The following PDILT variants were observed in gnomAD, a reference collection of about 807,000 sequenced individuals.
The protein encoded by PDILT is protein disulfide-isomerase-like protein of the testis.
In PDILT, 43 loss-of-function variants were observed where a neutral mutation model predicts 53.7. That is an observed-to-expected ratio of 0.80 (90% CI 0.63 to 1.03). The LOEUF (loss-of-function observed/expected upper bound fraction) is 1.03. PDILT is among the 50% of genes least tolerant of loss of function. The pLI, the probability that PDILT is intolerant of heterozygous loss-of-function variation, is 0.00. For missense variants in PDILT, 727 were observed against 712.3 expected (o/e 1.02, Z -0.24); for synonymous variants, 282 against 274.2 (o/e 1.03, Z -0.28).
rs190884309 is a variant in PDILT at position 20,364,625 on chromosome 16, G to A, written c.1237+795C>T. Among the ~76,000 whole-genome samples, 57 of 152,244 alleles carry A rather than the reference G, an allele frequency of 3.7e-4. No individual in the cohort carries two copies. In the East Asian group the frequency reaches 0.01, roughly 27 times the overall value. ...GTTAAAATAAAAGAAATGTCTGAAG[G>A]AACTTCAGTATCACCTTTCTCTGTG... is the stretch of plus-strand genomic sequence containing the variant. On this transcript the variant is annotated intron_variant, in intron 9 of 11. Transcript: ENST00000302451.
intron 11 of PDILT, 107 bp downstream of exon 11, chr16:20,360,461 C>T (rs1966082830): frequency 9.5e-7 from 1 of 1,053,486 alleles, no homozygotes; most frequent in Non-Finnish European, 1.5e-6. Flanking sequence ...CATCCTCAAC[C>T]ATCTCCCAAG....
intron 2 of PDILT, among the ~76,000 whole-genome samples, chr16:20,387,091 A>G (rs1192273402): frequency 6.6e-6 from 1 of 152,244 alleles, no homozygotes; most frequent in Non-Finnish European, 1.5e-5. Context: ...ATTCATTCAT[A>G]CAATGAAACT....
intron 2 of PDILT, among the ~76,000 whole-genome samples, chr16:20,385,720 T>C (rs1328530175): frequency 6.6e-6 from 1 of 152,132 alleles, no homozygotes; most frequent in Non-Finnish European, 1.5e-5. Context: ...AAAAGCCACT[T>C]GTACCCCCAA....
intron 3 of PDILT, among the ~76,000 whole-genome samples, chr16:20,384,215 C>T (rs973699483): frequency 2.0e-5 from 3 of 152,174 alleles, no homozygotes; most frequent in Non-Finnish European, 4.4e-5. Context: ...CCCACCCTCC[C>T]ACTTCTTGGT....
chr16:20,402,540 C>A (rs1292075335), intron 1 of PDILT, among the ~76,000 whole-genome samples: 1 of 152,192 alleles, frequency 6.6e-6, no homozygotes, highest in Non-Finnish European at 1.5e-5. Flanking sequence ...CTCAGGTGAT[C>A]CGCCCACCTC....
At chr16:20,362,332 G>A in intron 10 of PDILT, 72 bp downstream of exon 10, 1 of 1,515,576 alleles carries the variant, frequency 6.6e-7, no homozygotes, top group Non-Finnish European at 9.0e-7. Flanking sequence ...GCAGCTGGTG[G>A]TAGGGAGAAA....
Position 20,359,254 on chromosome 16 carries a change from A to C in PDILT, c.*65T>G. 1.3e-6 allele frequency: 2 copies of C among 1,591,182 alleles called. No individual in the cohort carries two copies. The highest frequency in any genetic ancestry group is 1.7e-6 in the Non-Finnish European group (2 of 1,170,746). ...AATGATATATGCTTTTATTGGAATC[A>C]ATCCATTCAGAAAATGATGCCAGGA... On this transcript the variant is annotated 3_prime_UTR_variant, in exon 12 of 12. Transcript: ENST00000302451.
At chr16:20,382,371 T>C (rs1203125016) in intron 3 of PDILT, among the ~76,000 whole-genome samples, 1 of 152,248 alleles carries the variant, frequency 6.6e-6, no homozygotes, top group African/African-American at 2.4e-5. Context: ...TGTTTGACTG[T>C]ATAAATAAAA....
chr16:20,387,606 T>C (rs75720466), intron 2 of PDILT, among the ~76,000 whole-genome samples: 2,986 of 152,136 alleles, frequency 0.02, 96 homozygotes, highest in African/African-American at 0.07. Context: ...TGAGTTACTC[T>C]TTTTCTTTTC....
intron 1 of PDILT, 134 bp downstream of exon 1, chr16:20,404,362 A>T (rs1284844081): frequency 1.3e-5 from 2 of 152,216 alleles, no homozygotes; most frequent in African/African-American, 4.8e-5. Context: ...TAAAATCCTC[A>T]AGTTGATCCT....
intron 11 of PDILT, 88 bp from the exon 12 acceptor site, chr16:20,359,655 T>C: frequency 7.4e-7 from 1 of 1,353,786 alleles, no homozygotes; most frequent in Middle Eastern, 1.9e-4. Context: ...ATCATTGTGG[T>C]TGTAATAGTC....
intron 7 of PDILT, among the ~76,000 whole-genome samples, chr16:20,370,993 G>A (rs1966298817): frequency 6.6e-6 from 1 of 152,222 alleles, no homozygotes; most frequent in Non-Finnish European, 1.5e-5. Context: ...CGCCCTCGGG[G>A]CTGCTCTGTC....
At chr16:20,383,017 C>T (rs1221388967) in intron 3 of PDILT, among the ~76,000 whole-genome samples, 1 of 152,200 alleles carries the variant, frequency 6.6e-6, no homozygotes, top group East Asian at 1.9e-4. Context: ...GTGGAGCAGG[C>T]ACCCTGGCCT....
At chr16:20,364,907 G>T (rs187815999) in intron 9 of PDILT, among the ~76,000 whole-genome samples, 2 of 152,166 alleles carry the variant, frequency 1.3e-5, no homozygotes, top group Non-Finnish European at 2.9e-5. Context: ...AAGAAATCCT[G>T]TACAGCAGTT....
At chr16:20,360,693 C>T (rs752181157) in intron 10 of PDILT, 36 bp from the exon 11 acceptor site, 7 of 1,477,378 alleles carry the variant, frequency 4.7e-6, no homozygotes, top group Non-Finnish European at 5.7e-6. Context: ...GGATGGGATC[C>T]TCTTCCCGCA....
At chr16:20,367,582 C>A (rs1218786305) in intron 8 of PDILT, among the ~76,000 whole-genome samples, 2 of 152,110 alleles carry the variant, frequency 1.3e-5, no homozygotes, top group African/African-American at 4.8e-5. Context: ...GGGAGACGGA[C>A]ACCACCTCAG....
rs1480103667 is a variant in PDILT at position 20,367,090 on chromosome 16, T to TCTTTCTTTCTTTCTTC, written c.1117-1566_1117-1551dup. On this transcript the variant is annotated intron_variant, in intron 8 of 11. Coordinates refer to ENST00000302451, the MANE Select transcript of PDILT (RefSeq NM_174924.2). ...TTCTTTCTTTCTTTCTTTCTTTCTT[T>TCTTTCTTTCTTTCTTC]CTTTCTTTCTTTCTTCCTTTCTTTC... Among the ~76,000 whole-genome samples the TCTTTCTTTCTTTCTTC allele has an allele frequency of 7.7e-5, 7 of 91,488 alleles. 1 individual carries two copies. The highest frequency in any genetic ancestry group is 2.5e-4 in the African/African-American group (5 of 19,956). 60.0% of individuals were successfully genotyped at this position (91,488 alleles called of 152,430 possible). A position where few individuals can be genotyped will look rare whatever the true frequency, so the allele number is the denominator to read the frequency against.
At chr16:20,380,440 C>T (rs943964824) in intron 3 of PDILT, among the ~76,000 whole-genome samples, 9 of 152,046 alleles carry the variant, frequency 5.9e-5, no homozygotes, top group African/African-American at 1.2e-4. Context: ...TGGGTTCAAG[C>T]AATTCTCTGT....
chr16:20,382,637 G>C (rs13334633), intron 3 of PDILT, among the ~76,000 whole-genome samples: 3 of 152,148 alleles, frequency 2.0e-5, no homozygotes, highest in Non-Finnish European at 2.9e-5. Flanking sequence ...TGACATAGGA[G>C]AAGGGTCTAG....
Sources: allele counts gnomAD v4.1 joint callset (sites outside exome capture counted in the v4.1 genomes callset), GRCh38; gene constraint gnomAD v4.1.1; transcripts MANE v1.5; gene names NCBI Gene and HGNC (gene_info 2026-07-23, HGNC 2026-07-21).